Variants in GALNT13 observed in about 807,000 individuals in gnomAD.
GALNT13 encodes polypeptide N-acetylgalactosaminyltransferase 13.
In GALNT13, 28 loss-of-function variants were observed where a neutral mutation model predicts 64.2. The observed-to-expected ratio is 0.44, with a 90% CI of 0.32 to 0.60. The LOEUF is 0.60. GALNT13 is among the 20% of genes least tolerant of loss of function. GALNT13 has a pLI of 0.05. For synonymous variants in GALNT13, 214 were observed against 224.6 expected, an observed-to-expected ratio of 0.95 and a Z score of 0.42; for missense variants, 577 against 669.8, an observed-to-expected ratio of 0.86 and a Z score of 1.53.
At chr2:153,771,914 A>C in the GALNT13 span, among the ~76,000 whole-genome samples, 1 of 152,178 alleles carries the variant, frequency 6.6e-6, no homozygotes, top group African/African-American at 2.4e-5. Context: ...GGTGAGCAGG[A>C]CTAGAGTGGG....
At chr2:154,026,384 G>A (rs750214100) in intron 3 of GALNT13, among the ~76,000 whole-genome samples, 2 of 152,092 alleles carry the variant, frequency 1.3e-5, no homozygotes, top group African/African-American at 2.4e-5. Flanking sequence ...TAGAAAGTGT[G>A]GATTTGGGTG....
chr2:154,440,747 C>T (rs754476565), intron 12 of GALNT13, among the ~76,000 whole-genome samples: 2 of 151,950 alleles, frequency 1.3e-5, no homozygotes, highest in Non-Finnish European at 2.9e-5. Flanking sequence ...CTAATGACAG[C>T]ACTTTGCCAA....
the GALNT13 span, among the ~76,000 whole-genome samples, chr2:153,457,370 T>C: frequency 2.0e-5 from 3 of 152,216 alleles, no homozygotes; most frequent in African/African-American, 7.2e-5. Flanking sequence ...CTAATAAAAG[T>C]ATTTAACTAG....
rs193220989 is a variant in GALNT13, at chr2:154,303,706, G to A, written c.1156+2117G>A. On this transcript the variant is annotated intron_variant, in intron 9 of 12. Coordinates refer to ENST00000392825, the MANE Select transcript of GALNT13 (RefSeq NM_052917.4). ...ATTGTATGGTCAATACGGCATGATA[G>A]GAACTTGGACAAGAGAGGAAAAGGT... Among the ~76,000 whole-genome samples the A allele has an allele frequency of 1.7e-4, 26 of 151,994 alleles. No individual in the cohort carries two copies. The East Asian group carries it at 5.0e-3, about 29-fold the overall frequency.
the GALNT13 span, among the ~76,000 whole-genome samples, chr2:153,222,481 A>T: frequency 6.6e-6 from 1 of 152,062 alleles, no homozygotes; most frequent in African/African-American, 2.4e-5. Flanking sequence ...CCCAGCCCCC[A>T]GGCTTCAGGC....
rs146155823 is a variant in GALNT13, at chr2:153,995,497, A to G, written c.142+50858A>G. Among the ~76,000 whole-genome samples, 129 of 152,284 alleles carry G rather than the reference A, an allele frequency of 8.5e-4. 3 individuals are homozygous for G. In the Middle Eastern group the frequency reaches 0.017, roughly 20 times the overall value. On this transcript the variant is annotated intron_variant, in intron 3 of 12. Coordinates refer to ENST00000392825, the MANE Select transcript of GALNT13 (RefSeq NM_052917.4). Reference sequence around the variant, plus strand: ...AGATATTCTCAGTTATTTCATAACTATCATTTAAATTTTCTTTTTAAAAGT... The same window carrying G: ...AGATATTCTCAGTTATTTCATAACTGTCATTTAAATTTTCTTTTTAAAAGT...
intron 8 of GALNT13, among the ~76,000 whole-genome samples, chr2:154,281,667 A>G (rs2105940755): frequency 6.6e-6 from 1 of 152,268 alleles, no homozygotes; most frequent in African/African-American, 2.4e-5. Flanking sequence ...TAAAGGCTCC[A>G]TCTGTGATCA....
intron 4 of GALNT13, among the ~76,000 whole-genome samples, chr2:154,240,499 T>C (rs1689423024): frequency 6.6e-6 from 1 of 152,136 alleles, no homozygotes; most frequent in African/African-American, 2.4e-5. Flanking sequence ...CTCCAGGTGA[T>C]GCTGAAATGG....
chr2:154,106,972 AGAGT>A (rs1371171126), intron 3 of GALNT13, among the ~76,000 whole-genome samples: 5 of 152,142 alleles, frequency 3.3e-5, no homozygotes, highest in African/African-American at 4.8e-5. Context: ...CTTCCATTAG[AGAGT>A]GAGTGAGTTC....
At chr2:153,499,508 C>T in the GALNT13 span, among the ~76,000 whole-genome samples, 1 of 152,124 alleles carries the variant, frequency 6.6e-6, no homozygotes, top group Non-Finnish European at 1.5e-5. Context: ...GGGACCTGCC[C>T]CTTTCCACCC....
chr2:153,699,052 A>C, the GALNT13 span, among the ~76,000 whole-genome samples: 4 of 152,236 alleles, frequency 2.6e-5, no homozygotes, highest in African/African-American at 9.6e-5. Context: ...GTGAAACCCC[A>C]TCTCTACTAA....
At chr2:153,148,478 CTTTT>C in the GALNT13 span, among the ~76,000 whole-genome samples, 272 of 135,666 alleles carry the variant, frequency 2.0e-3, 3 homozygotes, top group African/African-American at 7.2e-3. Flanking sequence ...TCCATTTTTT[CTTTT>C]TTTTTTTTTT....
At chr2:154,060,392 G>A (rs984975067) in intron 3 of GALNT13, among the ~76,000 whole-genome samples, 6 of 152,068 alleles carry the variant, frequency 3.9e-5, no homozygotes, top group African/African-American at 1.4e-4. Context: ...GTTTCGCTCT[G>A]TTGCCCAGGC....
At chr2:154,043,143 C>T (rs1300635325) in intron 3 of GALNT13, among the ~76,000 whole-genome samples, 1 of 151,802 alleles carries the variant, frequency 6.6e-6, no homozygotes, top group Non-Finnish European at 1.5e-5. Flanking sequence ...TGAAAGAAAA[C>T]CAGTATGGAT....
At chr2:153,478,240 T>G in the GALNT13 span, 2 of 1,610,380 alleles carry the variant, frequency 1.2e-6, no homozygotes, top group Non-Finnish European at 1.7e-6. Flanking sequence ...GGCGGGTCAG[T>G]AGGGCCCCAC....
intron 3 of GALNT13, among the ~76,000 whole-genome samples, chr2:154,060,497 G>A (rs1700120440): frequency 6.6e-6 from 1 of 151,948 alleles, no homozygotes; most frequent in Non-Finnish European, 1.5e-5. Context: ...CTGGGACTAA[G>A]GGCACATGCC....
the GALNT13 span, among the ~76,000 whole-genome samples, chr2:153,095,100 C>A: frequency 3.3e-5 from 5 of 152,104 alleles, no homozygotes. Context: ...AGTGAACAGG[C>A]AACCTACAGA....
chr2:153,396,506 TG>T, the GALNT13 span, among the ~76,000 whole-genome samples: 4 of 152,032 alleles, frequency 2.6e-5, no homozygotes, highest in African/African-American at 7.2e-5. Flanking sequence ...CTTTTTTTTT[TG>T]GTCTATAAAC....
the GALNT13 span, among the ~76,000 whole-genome samples, chr2:153,109,730 C>G: frequency 6.6e-6 from 1 of 152,082 alleles, no homozygotes; most frequent in Non-Finnish European, 1.5e-5. Context: ...AATAATCTGA[C>G]ATTTCCAGTA....
Sources: allele counts gnomAD v4.1 joint callset (sites outside exome capture counted in the v4.1 genomes callset), GRCh38; gene constraint gnomAD v4.1.1; transcripts MANE v1.5; gene names NCBI Gene and HGNC (gene_info 2026-07-23, HGNC 2026-07-21).